SSTR3: variants seen among roughly 807,000 people sequenced by gnomAD.
The protein encoded by SSTR3 is somatostatin receptor type 3.
For synonymous variants in SSTR3, 281 were observed against 269.2 expected, an observed-to-expected ratio of 1.04 and a Z score of -0.43; for missense variants, 504 against 604.7, an observed-to-expected ratio of 0.83 and a Z score of 1.75.
Position 37,207,474 on chromosome 22 carries a change from G to C in SSTR3, c.330C>G (p.Pro110=), listed in dbSNP as rs770384910. The change falls in exon 2 of 2, where the codon CCC becomes CCG. Residue 110 remains proline (P), a synonymous_variant. Coordinates refer to ENST00000610913, the MANE Select transcript of SSTR3 (RefSeq NM_001051.5). The part of the protein sequence containing the change: ...LAAQNALSYW[P]FGSLMCRLVM... ...CCAGGCGGCACATGAGGGAGCCGAA[G>C]GGCCAGTAGGACAGGGCGTTCTGGG... 7 of 1,613,566 alleles carry C rather than the reference G, an allele frequency of 4.3e-6. No individual in the cohort carries two copies. The highest frequency in any genetic ancestry group is 5.9e-6 in the Non-Finnish European group (7 of 1,180,018).
intron 1 of SSTR3, chr22:37,210,407 G>T: frequency 3.5e-6 from 2 of 570,286 alleles, no homozygotes; most frequent in Non-Finnish European, 4.4e-6. Context: ...GCATGCAGTC[G>T]CCCCTCCCAG....
the SSTR3 span, among the ~76,000 whole-genome samples, chr22:37,217,580 A>G: frequency 4.8e-4 from 72 of 151,570 alleles, no homozygotes; most frequent in African/African-American, 1.7e-3. Flanking sequence ...ATTTTGTTCT[A>G]CTTCCTGGGA....
At chr22:37,216,686 T>C (rs996377090), upstream of SSTR3, among the ~76,000 whole-genome samples, 5 of 152,228 alleles carry the variant, frequency 3.3e-5, no homozygotes, top group African/African-American at 1.2e-4. Context: ...CTCTCCATTG[T>C]TGTTTGGGGA....
the SSTR3 span, among the ~76,000 whole-genome samples, chr22:37,220,443 T>A: frequency 2.0e-5 from 3 of 152,172 alleles, no homozygotes; most frequent in Non-Finnish European, 4.4e-5. Flanking sequence ...TCCCAGCTAC[T>A]CAGGAGGTTG....
At chr22:37,208,648 G>C (rs1925999446) in intron 1 of SSTR3, among the ~76,000 whole-genome samples, 1 of 152,208 alleles carries the variant, frequency 6.6e-6, no homozygotes, top group African/African-American at 2.4e-5. Flanking sequence ...TTTCAGAAGG[G>C]ATTTGCAGCA....
Position 37,206,900 on chromosome 22 carries a change from G to A in SSTR3, c.904C>T (p.Pro302Ser). 1 of 1,613,602 alleles carries A rather than the reference G, an allele frequency of 6.2e-7. No individual in the cohort carries two copies. The highest frequency in any genetic ancestry group is 8.5e-7 in the Non-Finnish European group (1 of 1,180,038). ...FGLYFLVVAL[P>S]YANSCANPIL... ...GGGTTGGCACAGCTGTTGGCATAGG[G>A]CAGCGCCACCACCAGGAAGTAGAGC... The change falls in exon 2 of 2, where the codon CCC (proline) becomes TCC (serine). Residue 302 changes from proline (P) to serine (S), a missense_variant. Pro to Ser is a moderately conservative substitution (Grantham distance 74). Coordinates refer to ENST00000610913, the MANE Select transcript of SSTR3 (RefSeq NM_001051.5).
At chr22:37,210,567 T>C (rs1926131809) in intron 1 of SSTR3, 2 of 985,382 alleles carry the variant, frequency 2.0e-6, no homozygotes, top group Non-Finnish European at 2.4e-6. Context: ...TGCCGTCTTT[T>C]CTTTAGAGCT....
In SSTR3 at chr22:37,212,111, G is replaced by T. The variant is rs376459859; in HGVS notation, c.-323C>A. Reference sequence around the variant, plus strand: ...CCTGGGGGGGCAGGGGCAAGGATAGGGGGGAGAAGCTTCCCAGGGTGAGGA... The same window carrying T: ...CCTGGGGGGGCAGGGGCAAGGATAGTGGGGAGAAGCTTCCCAGGGTGAGGA... On this transcript the variant is annotated 5_prime_UTR_variant, in exon 1 of 2. Transcript: ENST00000610913. 4.3e-4 allele frequency: 419 copies of T among 985,400 alleles called. 2 individuals are homozygous for T. In the African/African-American group the frequency reaches 6.7e-3, roughly 16 times the overall value. 61.0% of individuals were successfully genotyped at this position (985,400 alleles called of 1,614,324 possible). A position where few individuals can be genotyped will look rare whatever the true frequency, so the allele number is the denominator to read the frequency against.
chr22:37,206,498 C>T lies in SSTR3; in HGVS notation c.*49G>A, dbSNP rs1298340241. The T allele has an allele frequency of 3.2e-6, 5 of 1,548,440 alleles. No individual in the cohort carries two copies. The highest frequency in any genetic ancestry group is 2.3e-5 in the East Asian group (1 of 44,374). On this transcript the variant is annotated 3_prime_UTR_variant, in exon 2 of 2. Transcript: ENST00000610913. ...CCTTGGGAAGTAGGCCCTAGGCACA[C>T]CCACGGCTTCTGCCTCTTCCTCGGG...
At position 37,204,643 on chromosome 22, in the gene SSTR3, T is replaced by TA. The variant is rs1201593493; in HGVS notation, c.*1903dup. Reference sequence around the variant, plus strand: ...AGGCCACTTGATGGAGAGGGGGGTATAGGCCAAGCCTGGGGGTGAGGAGGG... The same window carrying TA: ...AGGCCACTTGATGGAGAGGGGGGTATAAGGCCAAGCCTGGGGGTGAGGAGGG... On this transcript the variant is annotated 3_prime_UTR_variant, in exon 2 of 2. Transcript: ENST00000610913. The TA allele has an allele frequency of 6.6e-6, 1 of 152,330 alleles. No homozygotes were observed. The highest frequency in any genetic ancestry group is 1.5e-5 in the Non-Finnish European group (1 of 68,144). The allele number at this position is 152,330 out of a possible 1,614,324, so 9.4% of individuals were successfully genotyped here.
rs1926214595 is a variant in SSTR3 at position 37,211,931 on chromosome 22, G to T, written c.-143C>A. 2 of 985,604 alleles carry T rather than the reference G, an allele frequency of 2.0e-6. No individual in the cohort carries two copies. The highest frequency in any genetic ancestry group is 9.4e-5 in the South Asian group (2 of 21,298). 61.1% of individuals were successfully genotyped at this position (985,604 alleles called of 1,614,324 possible). On this transcript the variant is annotated 5_prime_UTR_variant, in exon 1 of 2. Coordinates refer to ENST00000610913, the MANE Select transcript of SSTR3 (RefSeq NM_001051.5). Reference sequence around the variant, plus strand: ...GTGCCCCCAGGGCACTCCTAACTAGGGTCCCCACAAGGCACCCACTTCTAG... The same window carrying T: ...GTGCCCCCAGGGCACTCCTAACTAGTGTCCCCACAAGGCACCCACTTCTAG...
At chr22:37,208,536 G>T (rs1925992021) in intron 1 of SSTR3, among the ~76,000 whole-genome samples, 1 of 152,234 alleles carries the variant, frequency 6.6e-6, no homozygotes, top group Non-Finnish European at 1.5e-5. Context: ...CTCCCCAGAG[G>T]CCGGCTGGGG....
chr22:37,218,203 A>G, the SSTR3 span, among the ~76,000 whole-genome samples: 1 of 152,132 alleles, frequency 6.6e-6, no homozygotes, highest in South Asian at 2.1e-4. Flanking sequence ...CATTTGGGGC[A>G]ATGCTATCAT....
intron 1 of SSTR3, chr22:37,210,449 TCCA>T: frequency 1.1e-6 from 1 of 925,738 alleles, no homozygotes; most frequent in Non-Finnish European, 1.3e-6. Flanking sequence ...AAACCCTGTC[TCCA>T]CCCTTATCTC....
rs1360627041 is a variant in SSTR3, at chr22:37,206,377, A to G, written c.*170T>C. 9.7e-7 allele frequency: 1 copy of G among 1,034,878 alleles called. No homozygotes were observed. Among genetic ancestry groups the G allele is most frequent in the Admixed American group, 3.0e-5 (1 of 32,840 alleles). 64.1% of individuals were successfully genotyped at this position (1,034,878 alleles called of 1,614,324 possible). ...TCACAGAGGAGAAAACAAGGCCCAG[A>G]GAGTAGAAGCAACCTACCCAAGGTC... On this transcript the variant is annotated 3_prime_UTR_variant, in exon 2 of 2. Coordinates refer to ENST00000610913, the MANE Select transcript of SSTR3 (RefSeq NM_001051.5).
chr22:37,209,922 T>C (rs1200917122), intron 1 of SSTR3, among the ~76,000 whole-genome samples: 5 of 152,236 alleles, frequency 3.3e-5, no homozygotes. Context: ...TTTTGAATTC[T>C]TAGAACAGGC....
In SSTR3 at chr22:37,207,291, T is replaced by C; in HGVS notation, c.513A>G (p.Ser171=). Residue 171 remains serine, a synonymous_variant, in exon 2 of 2, where the codon TCA becomes TCG. Transcript: ENST00000610913. ...CCACCACGGGCAGCACCACCACGGC[T>C]GAGGCCACCCACACAGCCGCGCTGA... The part of the protein sequence containing the change: ...RTVSAAVWVA[S]AVVVLPVVVF... 6.3e-7 allele frequency: 1 copy of C among 1,592,670 alleles called. No individual in the cohort carries two copies. The highest frequency in any genetic ancestry group is 8.6e-7 in the Non-Finnish European group (1 of 1,168,402).
Position 37,210,891 on chromosome 22 carries a change from A to G in SSTR3, c.-37+934T>C. The G allele has an allele frequency of 6.1e-6, 6 of 985,498 alleles. No individual in the cohort carries two copies. The South Asian group carries it at 1.4e-4, about 23-fold the overall frequency. The allele number at this position is 985,498 out of a possible 1,614,324, so 61.0% of individuals were successfully genotyped here. On this transcript the variant is annotated intron_variant, in intron 1 of 1. Transcript: ENST00000610913. The stretch of plus-strand genomic sequence containing the variant: ...AGGACATCACCCAGAACAGCCATAA[A>G]TGTGAACAGCCAAGCCGTTCAACAA...
chr22:37,215,895 C>T (rs114559509), upstream of SSTR3: 3,092 of 259,962 alleles, frequency 0.012, 104 homozygotes, highest in African/African-American at 0.066. Context: ...GAAGCTGTGG[C>T]GAGAAACGGA....
Sources: allele counts gnomAD v4.1 joint callset (sites outside exome capture counted in the v4.1 genomes callset), GRCh38; gene constraint gnomAD v4.1.1; transcripts MANE v1.5; gene names NCBI Gene and HGNC (gene_info 2026-07-23, HGNC 2026-07-21).